MAN1A1: variants seen among roughly 807,000 people sequenced by gnomAD.
MAN1A1 encodes the protein mannosyl-oligosaccharide 1,2-alpha-mannosidase IA.
In MAN1A1, 29 loss-of-function variants were observed where a neutral mutation model predicts 70.8. The observed-to-expected ratio is 0.41, with a 90% CI of 0.31 to 0.56. The LOEUF is 0.56. Ranked by LOEUF, MAN1A1 falls within the 20% of genes least tolerant of loss-of-function variation. The pLI, the probability that MAN1A1 is intolerant of heterozygous loss-of-function variation, is 0.29. For missense variants in MAN1A1, 747 were observed against 841.3 expected (o/e 0.89, Z 1.39); for synonymous variants, 349 against 330.1 (o/e 1.06, Z -0.62).
chr6:119,208,926 C>A (rs1239394365), intron 6 of MAN1A1, among the ~76,000 whole-genome samples: 1 of 151,926 alleles, frequency 6.6e-6, no homozygotes, highest in Non-Finnish European at 1.5e-5. Flanking sequence ...GAGACCCCAT[C>A]TCTACAAAAA....
At position 119,271,328 on chromosome 6, in the gene MAN1A1, TA is replaced by T. The variant is rs1046395180; in HGVS notation, c.897+19354del. On this transcript the variant is annotated intron_variant, in intron 5 of 12. Coordinates refer to ENST00000368468, the MANE Select transcript of MAN1A1 (RefSeq NM_005907.4). ...TTCATATTCCATTACTTAAATCAAT[TA>T]AAAAAAAACAATGTGATAAAGGGTT... is the stretch of plus-strand genomic sequence containing the variant. Among the ~76,000 whole-genome samples, 188 of 151,360 alleles carry T rather than the reference TA, an allele frequency of 1.2e-3. 1 individual carries two copies. The highest frequency in any genetic ancestry group is 4.4e-3 in the African/African-American group (182 of 41,284).
chr6:119,323,864 G>A (rs1292560311), intron 2 of MAN1A1, among the ~76,000 whole-genome samples: 3 of 152,122 alleles, frequency 2.0e-5, no homozygotes, highest in South Asian at 2.1e-4. Context: ...ATATACCTAC[G>A]GGATGAGACG....
At chr6:119,217,558 G>A (rs908920594) in intron 6 of MAN1A1, among the ~76,000 whole-genome samples, 2 of 152,182 alleles carry the variant, frequency 1.3e-5, no homozygotes, top group African/African-American at 4.8e-5. Context: ...GAGCCACTGC[G>A]CTCGGCAGCA....
At chr6:119,329,981 A>G (rs866307632) in intron 2 of MAN1A1, among the ~76,000 whole-genome samples, 2 of 152,054 alleles carry the variant, frequency 1.3e-5, no homozygotes, top group Non-Finnish European at 2.9e-5. Context: ...CTGAATATCT[A>G]AAAATGCTCC....
At chr6:119,216,217 A>G (rs144698496) in intron 6 of MAN1A1, among the ~76,000 whole-genome samples, 1 of 152,172 alleles carries the variant, frequency 6.6e-6, no homozygotes, top group Non-Finnish European at 1.5e-5. Flanking sequence ...GGGGATGATA[A>G]AGTCTGATTC....
chr6:119,204,263 G>T (rs1020098741), intron 7 of MAN1A1, among the ~76,000 whole-genome samples: 1 of 152,104 alleles, frequency 6.6e-6, no homozygotes, highest in Non-Finnish European at 1.5e-5. Context: ...TAGACAACAG[G>T]GACGACTCTT....
At chr6:119,349,895 G>C (rs1373279422), upstream of MAN1A1, 2 of 368,634 alleles carry the variant, frequency 5.4e-6, no homozygotes, top group African/African-American at 4.4e-5. Context: ...GGGGATGCGC[G>C]GGGCGGGGAG....
chr6:119,238,889 T>C (rs988826458), intron 6 of MAN1A1, among the ~76,000 whole-genome samples: 4 of 152,002 alleles, frequency 2.6e-5, no homozygotes, highest in Non-Finnish European at 4.4e-5. Flanking sequence ...GGGTCTATTA[T>C]TATTATTATT....
At chr6:119,277,579 T>G (rs930107926) in intron 5 of MAN1A1, among the ~76,000 whole-genome samples, 1 of 152,022 alleles carries the variant, frequency 6.6e-6, no homozygotes, top group Non-Finnish European at 1.5e-5. Flanking sequence ...CCTAGCACTT[T>G]GGGAGGTAGA....
chr6:119,184,033 C>T (rs546825689), intron 11 of MAN1A1, among the ~76,000 whole-genome samples: 74 of 152,078 alleles, frequency 4.9e-4, no homozygotes, highest in African/African-American at 1.7e-3. Flanking sequence ...AGGAAAAGCA[C>T]CCAAGAACTC....
chr6:119,179,070 T>A lies in MAN1A1; in HGVS notation c.*749A>T, dbSNP rs1238309682. ...AAATTTGAAAGCTCACCTCTCTGTG[T>A]AGTGGGGAATGGAAGAAATTAACTA... On this transcript the variant is annotated 3_prime_UTR_variant, in exon 13 of 13. Coordinates refer to ENST00000368468, the MANE Select transcript of MAN1A1 (RefSeq NM_005907.4). The A allele has an allele frequency of 6.6e-6, 1 of 152,132 alleles. No homozygotes were observed. The highest frequency in any genetic ancestry group is 2.4e-5 in the African/African-American group (1 of 41,436). The allele number at this position is 152,132 out of a possible 1,614,324, so 9.4% of individuals were successfully genotyped here.
intron 6 of MAN1A1, among the ~76,000 whole-genome samples, chr6:119,215,069 A>G (rs927023567): frequency 2.6e-4 from 40 of 152,114 alleles, no homozygotes; most frequent in African/African-American, 9.4e-4. Flanking sequence ...GGAAGGGGGA[A>G]GGATAGCATT....
At chr6:119,319,368 T>A (rs1772942444) in intron 2 of MAN1A1, among the ~76,000 whole-genome samples, 2 of 124,670 alleles carry the variant, frequency 1.6e-5, no homozygotes, top group South Asian at 2.4e-4. Flanking sequence ...AAAATAATAA[T>A]AATAATAATA....
chr6:119,227,168 C>G (rs1040573195), intron 6 of MAN1A1, among the ~76,000 whole-genome samples: 1 of 152,134 alleles, frequency 6.6e-6, no homozygotes, highest in Non-Finnish European at 1.5e-5. Context: ...AAAAACTATA[C>G]AGCAGAGTAC....
At chr6:119,261,835 C>T (rs539918714) in intron 5 of MAN1A1, among the ~76,000 whole-genome samples, 1 of 152,242 alleles carries the variant, frequency 6.6e-6, no homozygotes, top group South Asian at 2.1e-4. Context: ...GGTTATTGTT[C>T]AGACAAGAAT....
chr6:119,314,371 T>TC (rs577935516), intron 2 of MAN1A1, among the ~76,000 whole-genome samples: 33 of 152,126 alleles, frequency 2.2e-4, no homozygotes, highest in Non-Finnish European at 4.0e-4. Context: ...TCATCATGGG[T>TC]TATGGAGGCC....
intron 5 of MAN1A1, among the ~76,000 whole-genome samples, chr6:119,279,724 C>T (rs757972501): frequency 7.2e-5 from 11 of 152,320 alleles, no homozygotes; most frequent in East Asian, 1.9e-4. Flanking sequence ...CCTTCTCCTC[C>T]GCTTTCTCAT....
intron 2 of MAN1A1, among the ~76,000 whole-genome samples, chr6:119,327,868 C>T (rs757626957): frequency 1.2e-4 from 18 of 152,080 alleles, no homozygotes; most frequent in African/African-American, 1.9e-4. Context: ...AGCAAACTGA[C>T]GAAGAATGCA....
At chr6:119,199,013 T>C (rs1029269760) in intron 8 of MAN1A1, among the ~76,000 whole-genome samples, 3 of 152,244 alleles carry the variant, frequency 2.0e-5, no homozygotes, top group Admixed American at 6.5e-5. Flanking sequence ...TTTACACAGA[T>C]TGTTTTCCAT....
Sources: allele counts gnomAD v4.1 joint callset (sites outside exome capture counted in the v4.1 genomes callset), GRCh38; gene constraint gnomAD v4.1.1; transcripts MANE v1.5; gene names NCBI Gene and HGNC (gene_info 2026-07-23, HGNC 2026-07-21).